Variants in FUT9 observed in about 807,000 individuals in gnomAD.
FUT9 encodes fucosyltransferase 9.
Under a neutral mutation model 29.7 loss-of-function variants are expected in FUT9, and 15 were observed. The observed-to-expected ratio is 0.51, with a 90% CI of 0.34 to 0.78. The LOEUF (loss-of-function observed/expected upper bound fraction) is 0.78, where lower values mean the gene tolerates loss of function less well. Ranked by LOEUF, FUT9 falls within the 30% of genes least tolerant of loss-of-function variation. FUT9 has a pLI of 0.01. For missense variants in FUT9, 319 were observed against 425.4 expected (o/e 0.75, Z 2.20); for synonymous variants, 169 against 153.7 (o/e 1.10, Z -0.74).
chr6:96,169,583 G>A (rs1183992699), intron 2 of FUT9, among the ~76,000 whole-genome samples: 2 of 152,062 alleles, frequency 1.3e-5, no homozygotes, highest in Non-Finnish European at 2.9e-5. Context: ...TATCTCTCAG[G>A]AAAAAGTTTT....
At chr6:96,197,339 G>A (rs1180796990) in intron 2 of FUT9, among the ~76,000 whole-genome samples, 2 of 152,056 alleles carry the variant, frequency 1.3e-5, no homozygotes, top group African/African-American at 2.4e-5. Flanking sequence ...TAAAACAAAG[G>A]CTTACCCTTG....
intron 1 of FUT9, among the ~76,000 whole-genome samples, chr6:96,016,688 C>G (rs1562097301): frequency 6.6e-6 from 1 of 152,180 alleles, no homozygotes. Flanking sequence ...CCGACTGTCC[C>G]GTCCTATTCC....
intron 2 of FUT9, among the ~76,000 whole-genome samples, chr6:96,118,532 A>C (rs1181407093): frequency 6.6e-6 from 1 of 152,246 alleles, no homozygotes; most frequent in Non-Finnish European, 1.5e-5. Context: ...AGTTGTATAA[A>C]AGTGTAGTAC....
intron 2 of FUT9, among the ~76,000 whole-genome samples, chr6:96,124,217 T>A (rs536814943): frequency 1.3e-5 from 2 of 148,194 alleles, no homozygotes; most frequent in East Asian, 4.1e-4. Context: ...AGTGGCACAA[T>A]CTCAGCTCAC....
chr6:96,210,366 G>A lies in FUT9; in HGVS notation c.*6131G>A, dbSNP rs1401391888. The A allele has an allele frequency of 1.2e-5, 2 of 166,944 alleles. No homozygotes were observed. Among genetic ancestry groups the A allele is most frequent in the Non-Finnish European group, 2.9e-5 (2 of 68,010 alleles). 10.3% of individuals were successfully genotyped at this position (166,944 alleles called of 1,614,324 possible). A position where few individuals can be genotyped will look rare whatever the true frequency, so the allele number is the denominator to read the frequency against. ...GTCTCCAGACACTTTTTCCAGTTGC[G>A]AGTTGCTTATAGTAGTTCGCGAACC... On this transcript the variant is annotated 3_prime_UTR_variant, in exon 3 of 3. Transcript: ENST00000302103.
intron 2 of FUT9, among the ~76,000 whole-genome samples, chr6:96,159,424 T>A (rs1582274997): frequency 1.3e-5 from 2 of 152,150 alleles, no homozygotes; most frequent in Middle Eastern, 6.8e-3. Context: ...AAGAATGAAA[T>A]AAGACATGAG....
intron 2 of FUT9, among the ~76,000 whole-genome samples, chr6:96,138,595 G>C (rs1028942001): frequency 6.6e-6 from 1 of 151,998 alleles, no homozygotes; most frequent in Non-Finnish European, 1.5e-5. Flanking sequence ...TAGCAACAAG[G>C]TTGAGGACAC....
intron 1 of FUT9, among the ~76,000 whole-genome samples, chr6:96,032,878 C>T (rs535859935): frequency 6.6e-6 from 1 of 151,640 alleles, no homozygotes; most frequent in South Asian, 2.1e-4. Flanking sequence ...GCTTTTATTC[C>T]TAATGGCAAC....
intron 2 of FUT9, among the ~76,000 whole-genome samples, chr6:96,202,555 G>C (rs1233855929): frequency 6.6e-6 from 1 of 152,068 alleles, no homozygotes; most frequent in African/African-American, 2.4e-5. Flanking sequence ...GAGTGTACTT[G>C]TTTTTTAAAA....
chr6:96,200,632 T>C (rs1392543291), intron 2 of FUT9, among the ~76,000 whole-genome samples: 2 of 152,164 alleles, frequency 1.3e-5, no homozygotes, highest in Non-Finnish European at 2.9e-5. Context: ...GTTTTTGCCA[T>C]TGCATTTCAG....
intron 2 of FUT9, among the ~76,000 whole-genome samples, chr6:96,118,049 T>G (rs2127963531): frequency 6.6e-6 from 1 of 151,712 alleles, no homozygotes; most frequent in Non-Finnish European, 1.5e-5. Context: ...CTACTGAAAA[T>G]ACAAAAATCA....
At chr6:96,058,206 A>G (rs1397391875) in intron 1 of FUT9, among the ~76,000 whole-genome samples, 1 of 152,032 alleles carries the variant, frequency 6.6e-6, no homozygotes, top group African/African-American at 2.4e-5. Context: ...AACTTTTCCC[A>G]TTCCCCAGAA....
chr6:96,165,260 C>T (rs990491630), intron 2 of FUT9, among the ~76,000 whole-genome samples: 1 of 151,646 alleles, frequency 6.6e-6, no homozygotes, highest in African/African-American at 2.4e-5. Context: ...GGAGAAACCC[C>T]GTCTCTACTA....
intron 1 of FUT9, chr6:96,020,726 T>C (rs139021036): frequency 7.9e-4 from 121 of 152,230 alleles, no homozygotes; most frequent in African/African-American, 2.5e-3. Context: ...CACTATATTA[T>C]CTAAACGTGC....
At position 96,203,857 on chromosome 6, in the gene FUT9, C is replaced by A. The variant is rs780943354; in HGVS notation, c.702C>A (p.Thr234=). Reference sequence around the variant, plus strand: ...TCAATGATAAAAATTTGATTCCTACCATATCTACTTGTAAATTTTATCTTT... The same window carrying A: ...TCAATGATAAAAATTTGATTCCTACAATATCTACTTGTAAATTTTATCTTT... ...EYVNDKNLIP[T]ISTCKFYLSF... is the part of the protein sequence containing the mutation. The change falls in exon 3 of 3, where the codon ACC becomes ACA. Residue 234 remains threonine, a synonymous_variant. Transcript: ENST00000302103. 2 of 1,610,234 alleles carry A rather than the reference C, an allele frequency of 1.2e-6. No homozygotes were observed. The highest frequency in any genetic ancestry group is 1.1e-5 in the South Asian group (1 of 90,990).
intron 1 of FUT9, among the ~76,000 whole-genome samples, chr6:96,098,743 A>G (rs555476601): frequency 6.6e-6 from 1 of 152,264 alleles, no homozygotes; most frequent in South Asian, 2.1e-4. Flanking sequence ...GGAAAGATCT[A>G]TCACCTACAG....
intron 2 of FUT9, among the ~76,000 whole-genome samples, chr6:96,127,038 T>A (rs986955922): frequency 2.0e-5 from 3 of 152,238 alleles, no homozygotes; most frequent in Non-Finnish European, 4.4e-5. Flanking sequence ...ACTGTTTTTT[T>A]AAACATTTAT....
chr6:96,112,214 C>T (rs1325754060), intron 1 of FUT9, among the ~76,000 whole-genome samples: 1 of 152,164 alleles, frequency 6.6e-6, no homozygotes, highest in Admixed American at 6.5e-5. Context: ...TACCAGTTAT[C>T]TGAGTTATCA....
At chr6:96,040,837 G>T (rs1770447537) in intron 1 of FUT9, among the ~76,000 whole-genome samples, 1 of 152,122 alleles carries the variant, frequency 6.6e-6, no homozygotes, top group South Asian at 2.1e-4. Context: ...GGCCAAGTTT[G>T]TTGAAGTTGA....
Sources: gnomAD v4.1 joint callset for allele counts (sites outside exome capture counted in the v4.1 genomes callset) on GRCh38, gnomAD v4.1.1 for gene constraint, MANE v1.5 for transcripts, NCBI Gene and HGNC (gene_info 2026-07-23, HGNC 2026-07-21) for gene names.